Variants in ZNF362 observed in about 807,000 individuals in gnomAD.
The protein encoded by ZNF362 is rotund homolog.
ZNF362 carries 11 observed loss-of-function variants against 42.9 expected under a neutral mutation model. The observed-to-expected ratio is 0.26, with a 90% CI of 0.16 to 0.42. The LOEUF is 0.42. Ranked by LOEUF, ZNF362 falls within the 20% of genes least tolerant of loss-of-function variation. The pLI, the probability that ZNF362 is intolerant of heterozygous loss-of-function variation, is 1.00. For synonymous variants in ZNF362, 255 were observed against 257.3 expected, an observed-to-expected ratio of 0.99 and a Z score of 0.09; for missense variants, 362 against 576.2, an observed-to-expected ratio of 0.63 and a Z score of 3.81.
chr1:33,270,280 G>T (rs1445411382), intron 1 of ZNF362, among the ~76,000 whole-genome samples: 1 of 151,972 alleles, frequency 6.6e-6, no homozygotes, highest in South Asian at 2.1e-4. Flanking sequence ...GCCAGTGCTG[G>T]GCATCCTAAC....
the ZNF362 span, among the ~76,000 whole-genome samples, chr1:33,231,246 A>T: frequency 6.6e-6 from 1 of 152,192 alleles, no homozygotes; most frequent in East Asian, 1.9e-4. Context: ...GCTGGGCCTC[A>T]CACACGTATA....
chr1:33,130,733 C>A, the ZNF362 span, among the ~76,000 whole-genome samples: 1 of 152,156 alleles, frequency 6.6e-6, no homozygotes, highest in East Asian at 1.9e-4. Flanking sequence ...ATTTGTTAGG[C>A]AGCAATAGAT....
rs560362002 is a variant in ZNF362, at chr1:33,277,559, G to A, written c.349+965G>A. 3.3e-5 allele frequency among the ~76,000 whole-genome samples: 5 copies of A among 152,304 alleles called. No individual in the cohort carries two copies. In the East Asian group the frequency reaches 5.8e-4, roughly 18 times the overall value. On this transcript the variant is annotated intron_variant, in intron 4 of 8. Coordinates refer to ENST00000539719, the MANE Select transcript of ZNF362 (RefSeq NM_152493.3). ...GAGTCTGGCTGCTAGGTGGAGACCC[G>A]GTTGTCAGGGGGTAAGCATGGAAGC...
At chr1:33,155,314 C>T in the ZNF362 span, among the ~76,000 whole-genome samples, 682 of 152,038 alleles carry the variant, frequency 4.5e-3, 6 homozygotes, top group African/African-American at 0.015. Context: ...TCAAGTGATC[C>T]GCCTGCCTTG....
At chr1:33,237,262 T>C in the ZNF362 span, among the ~76,000 whole-genome samples, 1 of 152,218 alleles carries the variant, frequency 6.6e-6, no homozygotes, top group African/African-American at 2.4e-5. Context: ...GTTAAGAGCT[T>C]AATGAAGCAT....
chr1:33,274,178 G>A (rs1221452542), intron 2 of ZNF362, among the ~76,000 whole-genome samples: 1 of 152,202 alleles, frequency 6.6e-6, no homozygotes, highest in Non-Finnish European at 1.5e-5. Context: ...GTCAGGATGC[G>A]TCATTCCCCT....
intron 1 of ZNF362, among the ~76,000 whole-genome samples, chr1:33,257,224 C>G (rs1403831928): frequency 2.0e-5 from 3 of 151,694 alleles, no homozygotes; most frequent in African/African-American, 7.3e-5. Context: ...CGGCTGGAAG[C>G]AGAGGGGGCA....
the ZNF362 span, among the ~76,000 whole-genome samples, chr1:33,238,680 C>T: frequency 6.6e-6 from 1 of 152,032 alleles, no homozygotes; most frequent in Non-Finnish European, 1.5e-5. Context: ...GATTTGGAGA[C>T]AGGGCCTTTA....
At chr1:33,246,027 G>A in the ZNF362 span, among the ~76,000 whole-genome samples, 1 of 152,178 alleles carries the variant, frequency 6.6e-6, no homozygotes, top group Non-Finnish European at 1.5e-5. Context: ...GTAACTGGAA[G>A]GGACAAGACA....
chr1:33,137,154 T>C, the ZNF362 span, among the ~76,000 whole-genome samples: 1 of 152,102 alleles, frequency 6.6e-6, no homozygotes, highest in Non-Finnish European at 1.5e-5. Context: ...TCAGTTTCCT[T>C]AACTGTAGCA....
At chr1:33,248,846 C>G in the ZNF362 span, among the ~76,000 whole-genome samples, 1 of 152,314 alleles carries the variant, frequency 6.6e-6, no homozygotes, top group Admixed American at 6.5e-5. Flanking sequence ...AGTCCTTCAG[C>G]CACCAGTGCC....
chr1:33,251,195 T>A, the ZNF362 span, among the ~76,000 whole-genome samples: 1 of 152,098 alleles, frequency 6.6e-6, no homozygotes, highest in Non-Finnish European at 1.5e-5. Flanking sequence ...GAGTCCAGGG[T>A]CAAGGTCCCA....
chr1:33,149,636 A>G, the ZNF362 span, among the ~76,000 whole-genome samples: 28,635 of 144,526 alleles, frequency 0.2, 3,140 homozygotes, highest in South Asian at 0.31. Context: ...TAAATTTTTC[A>G]TAGAGATGAG....
At chr1:33,270,059 C>A (rs528177380) in intron 1 of ZNF362, among the ~76,000 whole-genome samples, 22 of 152,320 alleles carry the variant, frequency 1.4e-4, no homozygotes, top group African/African-American at 5.3e-4. Context: ...CCTCAGTTTC[C>A]TCATCTGTAC....
the ZNF362 span, among the ~76,000 whole-genome samples, chr1:33,218,945 A>T: frequency 2.1e-5 from 3 of 140,024 alleles, 1 homozygote; most frequent in African/African-American, 7.6e-5. Context: ...ACACACACAC[A>T]CACACACACA....
chr1:33,281,646 C>G lies in ZNF362; in HGVS notation c.743C>G (p.Ser248Trp). The change falls in exon 6 of 9, where the codon TCG becomes TGG. Residue 248 changes from serine (S) to tryptophan (W), a missense_variant. Physicochemically the swap from Ser to Trp is radical, Grantham distance 177 (BLOSUM62 -3). Coordinates refer to ENST00000539719, the MANE Select transcript of ZNF362 (RefSeq NM_152493.3). This position sits in a 1 kb window ranked among gnomAD's most constrained non-coding sequence, Gnocchi z 4.8. ...TCAGAGATGCAGATCCACTCCAAGT[C>G]GCACACAGAGGCCAAGCCCCACAAG... is the stretch of plus-strand genomic sequence containing the variant. ...TKSEMQIHSK[S>W]HTEAKPHKCP... 1.2e-6 allele frequency: 2 copies of G among 1,614,236 alleles called. No individual in the cohort carries two copies. Among genetic ancestry groups the G allele is most frequent in the Non-Finnish European group, 1.7e-6 (2 of 1,180,040 alleles).
At chr1:33,174,643 A>C in the ZNF362 span, among the ~76,000 whole-genome samples, 2 of 152,188 alleles carry the variant, frequency 1.3e-5, no homozygotes, top group South Asian at 2.1e-4. Flanking sequence ...TCCGTGGAAC[A>C]ATCTGCACCA....
the ZNF362 span, among the ~76,000 whole-genome samples, chr1:33,176,087 G>A: frequency 1.8e-4 from 28 of 152,132 alleles, no homozygotes; most frequent in Non-Finnish European, 2.6e-4. Context: ...GGCTGCTGTT[G>A]GCATAGAAAT....
At chr1:33,188,028 GT>G in the ZNF362 span, among the ~76,000 whole-genome samples, 1 of 152,276 alleles carries the variant, frequency 6.6e-6, no homozygotes, top group South Asian at 2.1e-4. Flanking sequence ...GAAGTCAGGA[GT>G]TTGAGACCAG....
Sources: gnomAD v4.1 joint callset for allele counts (sites outside exome capture counted in the v4.1 genomes callset) on GRCh38, gnomAD v4.1.1 for gene constraint, Gnocchi (gnomAD v3.1) non-coding constraint, MANE v1.5 for transcripts, NCBI Gene and HGNC (gene_info 2026-07-23, HGNC 2026-07-21) for gene names.